The following COL23A1 variants were observed in gnomAD, a reference collection of about 807,000 sequenced individuals.
COL23A1 encodes collagen alpha-1(XXIII) chain.
COL23A1 carries 97 observed loss-of-function variants against 99.3 expected under a neutral mutation model. The ratio of observed to expected loss-of-function variants is 0.98; its 90% CI spans 0.83 to 1.16. The LOEUF (loss-of-function observed/expected upper bound fraction) is 1.16, where lower values mean the gene tolerates loss of function less well. Among genes scored for constraint, COL23A1 ranks in the 50% most tolerant of loss-of-function variants. The pLI is 0.00. For missense variants in COL23A1, 762 were observed against 757.4 expected (o/e 1.01, Z -0.07); for synonymous variants, 320 against 308.2 (o/e 1.04, Z -0.40).
chr5:178,421,105 G>C (rs1046713989), intron 2 of COL23A1, among the ~76,000 whole-genome samples: 4 of 152,064 alleles, frequency 2.6e-5, no homozygotes, highest in African/African-American at 9.7e-5. Flanking sequence ...AGGCTGGTCT[G>C]GGGAAAAAGG....
intron 1 of COL23A1, among the ~76,000 whole-genome samples, chr5:178,585,633 CACTCCACA>C (rs1763932170): frequency 7.6e-4 from 19 of 25,078 alleles, no homozygotes; most frequent in African/African-American, 9.9e-4. Flanking sequence ...GCTGGGGTAA[CACTCCACA>C]GCCCTGGATG....
At chr5:178,290,244 G>A (rs1443662674) in intron 4 of COL23A1, 118 bp downstream of exon 4, 14 of 1,445,928 alleles carry the variant, frequency 9.7e-6, no homozygotes, top group Non-Finnish European at 1.4e-5. Context: ...TTTTTAATAG[G>A]ACTGATGTTT....
Position 178,246,425 on chromosome 5 carries a change from C to T in COL23A1, c.1325G>A (p.Gly442Asp). 1.3e-6 allele frequency: 2 copies of T among 1,576,266 alleles called. No homozygotes were observed. The highest frequency in any genetic ancestry group is 8.6e-7 in the Non-Finnish European group (1 of 1,160,058). The change falls in exon 23 of 29, where the codon GGT (glycine) becomes GAT (aspartate). Residue 442 changes from glycine to aspartate, a missense_variant. Physicochemically the swap from Gly to Asp is moderately conservative, Grantham distance 94. Transcript: ENST00000390654. ...GCTGGGGCCTCTCTCACCCGACGCA[C>T]CCTTCTCTCCCTTTGCTCCATCCAA... ...KGLDGAKGEK[G>D]ASGERGPSGL...
Position 178,280,767 on chromosome 5 carries a change from A to G in COL23A1, c.441+7557T>C, listed in dbSNP as rs1483708183. On this transcript the variant is annotated intron_variant, in intron 5 of 28. Transcript: ENST00000390654. This position sits in a 1 kb window ranked among gnomAD's most constrained non-coding sequence, Gnocchi z 4.9. ...CAACCCCCTCTGCTGGGCCCCCTAC[A>G]CTGCTGTCCCTGCTAAGTCTCCTCC... 6.6e-6 allele frequency among the ~76,000 whole-genome samples: 1 copy of G among 152,084 alleles called. No homozygotes were observed. The highest frequency in any genetic ancestry group is 1.5e-5 in the Non-Finnish European group (1 of 67,990).
intron 2 of COL23A1, among the ~76,000 whole-genome samples, chr5:178,421,025 T>C (rs973404227): frequency 7.9e-5 from 12 of 152,050 alleles, no homozygotes; most frequent in African/African-American, 2.9e-4. Context: ...AGGGGATAAC[T>C]AGTGTTCTTT....
rs56795197 is a variant in COL23A1, at chr5:178,382,178, C to T, written c.362-75259G>A. On this transcript the variant is annotated intron_variant, in intron 2 of 28. Coordinates refer to ENST00000390654, the MANE Select transcript of COL23A1 (RefSeq NM_173465.4). ...GCTGAGAGGCCGACGCTCAGAGAGG[C>T]TGGGTGTCTGCTGAGGGTCACACAA... is the stretch of plus-strand genomic sequence containing the variant. 3.6e-3 allele frequency among the ~76,000 whole-genome samples: 546 copies of T among 152,212 alleles called. 3 individuals are homozygous for T. Among genetic ancestry groups the T allele is most frequent in the African/African-American group, 0.012 (482 of 41,514 alleles).
chr5:178,286,177 C>A (rs933601161), intron 5 of COL23A1, among the ~76,000 whole-genome samples: 2 of 152,202 alleles, frequency 1.3e-5, no homozygotes, highest in East Asian at 3.9e-4. Flanking sequence ...TTCCTGGAGA[C>A]GTTGACAGGG....
rs1051976571 is a variant in COL23A1 at position 178,365,503 on chromosome 5, C to G, written c.362-58584G>C. Among the ~76,000 whole-genome samples the G allele has an allele frequency of 6.6e-6, 1 of 152,138 alleles. No homozygotes were observed. Among genetic ancestry groups the G allele is most frequent in the African/African-American group, 2.4e-5 (1 of 41,412 alleles). ...ACCCGCCACCCAATCCCTCTTTCTTCTGATGTCGACAGGATCAAGCACAAG... is the reference window on the plus strand; with the variant it reads ...ACCCGCCACCCAATCCCTCTTTCTTGTGATGTCGACAGGATCAAGCACAAG... On this transcript the variant is annotated intron_variant, in intron 2 of 28. Coordinates refer to ENST00000390654, the MANE Select transcript of COL23A1 (RefSeq NM_173465.4). This position sits in a 1 kb window ranked among gnomAD's most constrained non-coding sequence, Gnocchi z 5.2.
At chr5:178,536,666 A>G (rs1466874518) in intron 2 of COL23A1, among the ~76,000 whole-genome samples, 3 of 152,072 alleles carry the variant, frequency 2.0e-5, no homozygotes, top group Non-Finnish European at 2.9e-5. Context: ...TACCTGCTGC[A>G]CAGGCCCATT....
At chr5:178,393,083 C>T (rs1378035601) in intron 2 of COL23A1, among the ~76,000 whole-genome samples, 1 of 152,226 alleles carries the variant, frequency 6.6e-6, no homozygotes, top group South Asian at 2.1e-4. Context: ...CTCAGGCCTT[C>T]GAACTCCCAA....
chr5:178,448,134 C>T (rs887840215), intron 2 of COL23A1, among the ~76,000 whole-genome samples: 1 of 151,880 alleles, frequency 6.6e-6, no homozygotes, highest in South Asian at 2.1e-4. Flanking sequence ...TCTGTTAGTG[C>T]TAGTCGCAGT....
intron 2 of COL23A1, among the ~76,000 whole-genome samples, chr5:178,450,912 G>C (rs571601032): frequency 6.6e-6 from 1 of 152,282 alleles, no homozygotes; most frequent in African/African-American, 2.4e-5. Flanking sequence ...CTTACCCTGT[G>C]CTGGGTACTA....
chr5:178,482,755 G>A (rs901349071), intron 2 of COL23A1, among the ~76,000 whole-genome samples: 4 of 152,080 alleles, frequency 2.6e-5, no homozygotes, highest in Non-Finnish European at 5.9e-5. Flanking sequence ...ACAAAAAATC[G>A]GCCGGGCGTG....
At chr5:178,288,542 G>A (rs1395557247) in intron 4 of COL23A1, 192 bp from the exon 5 acceptor site, 2 of 649,678 alleles carry the variant, frequency 3.1e-6, no homozygotes, top group Non-Finnish European at 5.6e-6. Flanking sequence ...CAGAGGGCCA[G>A]GCTGGAGGGA....
At chr5:178,463,550 G>A (rs922409413) in intron 2 of COL23A1, among the ~76,000 whole-genome samples, 11 of 152,092 alleles carry the variant, frequency 7.2e-5, no homozygotes, top group African/African-American at 2.2e-4. Flanking sequence ...TTTGGAAACC[G>A]CCACTGGGAC....
intron 5 of COL23A1, among the ~76,000 whole-genome samples, chr5:178,286,504 TG>T (rs2127581803): frequency 6.6e-6 from 1 of 152,316 alleles, no homozygotes; most frequent in South Asian, 2.1e-4. Context: ...AGTCCTGTCA[TG>T]GCCCCAGGGA....
At chr5:178,343,684 C>T (rs1212941705) in intron 2 of COL23A1, among the ~76,000 whole-genome samples, 2 of 145,008 alleles carry the variant, frequency 1.4e-5, no homozygotes, top group African/African-American at 5.2e-5. Context: ...TTTTTGGAGA[C>T]GGAGTCTTGC....
At chr5:178,502,382 C>T (rs569378198) in intron 2 of COL23A1, among the ~76,000 whole-genome samples, 8 of 152,330 alleles carry the variant, frequency 5.3e-5, no homozygotes, top group East Asian at 3.9e-4. Flanking sequence ...CTGCCCGCCT[C>T]GGCCTCCCAA....
At chr5:178,342,292 T>C (rs1362534416) in intron 2 of COL23A1, among the ~76,000 whole-genome samples, 1 of 152,200 alleles carries the variant, frequency 6.6e-6, no homozygotes, top group Non-Finnish European at 1.5e-5. Flanking sequence ...TACAGTTCAC[T>C]ATGTGGAATC....
Sources: gnomAD v4.1 joint callset for allele counts (sites outside exome capture counted in the v4.1 genomes callset) on GRCh38, gnomAD v4.1.1 for gene constraint, Gnocchi (gnomAD v3.1) non-coding constraint, MANE v1.5 for transcripts, NCBI Gene and HGNC (gene_info 2026-07-23, HGNC 2026-07-21) for gene names.